The following OPCML variants were observed in gnomAD, a reference collection of about 807,000 sequenced individuals.
The protein encoded by OPCML is opioid-binding protein/cell adhesion molecule.
OPCML carries 13 observed loss-of-function variants against 37.8 expected under a neutral mutation model. The ratio of observed to expected loss-of-function variants is 0.34; its 90% confidence interval spans 0.22 to 0.55. The LOEUF is 0.55. Among genes scored for constraint, OPCML ranks in the 20% least tolerant of loss-of-function variants. The pLI is 0.91. For synonymous variants in OPCML, 176 were observed against 168.8 expected, an observed-to-expected ratio of 1.04 and a Z score of -0.33; for missense variants, 341 against 435.6, an observed-to-expected ratio of 0.78 and a Z score of 1.93.
At chr11:132,811,013 G>A (rs1939308550) in intron 2 of OPCML, among the ~76,000 whole-genome samples, 1 of 152,144 alleles carries the variant, frequency 6.6e-6, no homozygotes, top group East Asian at 1.9e-4. Flanking sequence ...GCTTCCTGAA[G>A]CCTAACCTGA....
intron 2 of OPCML, among the ~76,000 whole-genome samples, chr11:132,787,610 A>G (rs775771840): frequency 1.3e-5 from 2 of 152,180 alleles, no homozygotes; most frequent in Non-Finnish European, 2.9e-5. Flanking sequence ...CAAGCTTTAC[A>G]TAGTCCCCGT....
intron 1 of OPCML, among the ~76,000 whole-genome samples, chr11:133,376,874 C>T (rs1944814938): frequency 6.6e-6 from 1 of 152,126 alleles, no homozygotes; most frequent in Non-Finnish European, 1.5e-5. Context: ...GAATATAGGA[C>T]ATGTCGGTGT....
chr11:133,355,655 G>A (rs1165258352), intron 1 of OPCML, among the ~76,000 whole-genome samples: 2 of 152,140 alleles, frequency 1.3e-5, no homozygotes, highest in African/African-American at 4.8e-5. Context: ...CCTTCCTACT[G>A]CACTGCATGA....
At chr11:133,448,616 C>T (rs1946518512) in intron 1 of OPCML, among the ~76,000 whole-genome samples, 1 of 152,138 alleles carries the variant, frequency 6.6e-6, no homozygotes, top group African/African-American at 2.4e-5. Flanking sequence ...TGCCACCATG[C>T]CCAGCTAATT....
chr11:132,745,869 CT>C (rs1198408770), intron 2 of OPCML, among the ~76,000 whole-genome samples: 5 of 152,166 alleles, frequency 3.3e-5, no homozygotes, highest in African/African-American at 9.7e-5. Context: ...GCAATAGAAG[CT>C]TTCAGAAAGG....
chr11:133,345,566 C>T (rs1336507572), intron 1 of OPCML, among the ~76,000 whole-genome samples: 2 of 152,180 alleles, frequency 1.3e-5, no homozygotes, highest in African/African-American at 4.8e-5. Flanking sequence ...TGGGCTTCCC[C>T]TTGTTTGTCT....
chr11:132,643,282 A>G (rs574731781), intron 3 of OPCML, among the ~76,000 whole-genome samples: 1 of 152,306 alleles, frequency 6.6e-6, no homozygotes, highest in Non-Finnish European at 1.5e-5. Context: ...ATCTCTAAAA[A>G]AGAAAAGCTG....
intron 1 of OPCML, among the ~76,000 whole-genome samples, chr11:133,063,579 C>T (rs4633484): frequency 0.84 from 126,391 of 150,494 alleles, 53,170 homozygotes; most frequent in Middle Eastern, 0.93. Context: ...TTTTTTTTTT[C>T]GGAGGGAGTT....
intron 1 of OPCML, among the ~76,000 whole-genome samples, chr11:133,414,346 G>T (rs1409791653): frequency 6.6e-6 from 1 of 152,064 alleles, no homozygotes; most frequent in Non-Finnish European, 1.5e-5. Context: ...TTATGCCCCA[G>T]GTTGTCAAAA....
chr11:133,159,678 T>C (rs1294914099), intron 1 of OPCML, among the ~76,000 whole-genome samples: 1 of 152,204 alleles, frequency 6.6e-6, no homozygotes, highest in Non-Finnish European at 1.5e-5. Context: ...TGTCGTAGTC[T>C]CCTATAATGG....
intron 2 of OPCML, among the ~76,000 whole-genome samples, chr11:132,875,419 G>A (rs371030323): frequency 6.0e-5 from 9 of 150,694 alleles, no homozygotes; most frequent in Middle Eastern, 3.2e-3. Context: ...TCATTTACCC[G>A]TTCATCCATG....
intron 1 of OPCML, among the ~76,000 whole-genome samples, chr11:133,207,448 T>C (rs1939129359): frequency 1.3e-5 from 2 of 152,178 alleles, no homozygotes; most frequent in South Asian, 4.1e-4. Flanking sequence ...ATGGTGATAA[T>C]GATGATCCAG....
At chr11:132,449,854 T>A (rs145335360) in intron 4 of OPCML, among the ~76,000 whole-genome samples, 1,736 of 152,310 alleles carry the variant, frequency 0.011, 11 homozygotes, top group Non-Finnish European at 0.019. Context: ...CACTGCTCTT[T>A]CCTGGCTCTT....
chr11:133,359,230 C>A (rs190977701), intron 1 of OPCML, among the ~76,000 whole-genome samples: 82 of 152,240 alleles, frequency 5.4e-4, no homozygotes, highest in Admixed American at 2.0e-3. Context: ...GGTTTCTCAC[C>A]CCCACTTCCT....
intron 1 of OPCML, among the ~76,000 whole-genome samples, chr11:133,275,436 C>T (rs963930423): frequency 2.6e-5 from 4 of 152,068 alleles, no homozygotes; most frequent in Non-Finnish European, 5.9e-5. Flanking sequence ...TCAGAAAGGA[C>T]AGTTGTTGAC....
intron 2 of OPCML, among the ~76,000 whole-genome samples, chr11:132,713,353 G>A (rs1944345357): frequency 6.6e-6 from 1 of 152,116 alleles, no homozygotes; most frequent in South Asian, 2.1e-4. Flanking sequence ...GAAGGGCTTG[G>A]TAAGGAATCA....
chr11:133,475,079 T>C (rs1331638848), intron 1 of OPCML, among the ~76,000 whole-genome samples: 1 of 152,194 alleles, frequency 6.6e-6, no homozygotes, highest in Non-Finnish European at 1.5e-5. Flanking sequence ...CTGGCTGCTC[T>C]TCTATACCCT....
chr11:133,153,713 C>A (rs1449185498), intron 1 of OPCML, among the ~76,000 whole-genome samples: 1 of 152,138 alleles, frequency 6.6e-6, no homozygotes, highest in Non-Finnish European at 1.5e-5. Context: ...CTCCACTTTC[C>A]CATCTCCTTA....
At chr11:133,104,249 AG>A (rs1346870671) in intron 1 of OPCML, among the ~76,000 whole-genome samples, 1 of 152,218 alleles carries the variant, frequency 6.6e-6, no homozygotes, top group African/African-American at 2.4e-5. Context: ...TTTCCATGGC[AG>A]GCAGGCAGCA....
Sources: allele counts gnomAD v4.1 joint callset (sites outside exome capture counted in the v4.1 genomes callset), GRCh38; gene constraint gnomAD v4.1.1; transcripts MANE v1.5; gene names NCBI Gene and HGNC (gene_info 2026-07-23, HGNC 2026-07-21).